The following TAF4B variants were observed in gnomAD, a reference collection of about 807,000 sequenced individuals.
TAF4B encodes the protein transcription initiation factor TFIID subunit 4B.
TAF4B carries 38 observed loss-of-function variants against 86.4 expected under a neutral mutation model. That is an observed-to-expected ratio of 0.44 (90% CI 0.34 to 0.58). The LOEUF is 0.58. Ranked by LOEUF, TAF4B falls within the 20% of genes least tolerant of loss-of-function variation. TAF4B has a pLI of 0.02. For synonymous variants in TAF4B, 388 were observed against 391.2 expected (o/e 0.99, Z 0.10); for missense variants, 988 against 1,027.6 (o/e 0.96, Z 0.53).
chr18:26,229,604 G>C (rs911679769), intron 1 of TAF4B, among the ~76,000 whole-genome samples: 2 of 150,616 alleles, frequency 1.3e-5, no homozygotes, highest in Non-Finnish European at 3.0e-5. Context: ...CCGGGTTCAA[G>C]CAATTCTCCC....
At chr18:26,350,166 A>G (rs565869198) in intron 13 of TAF4B, among the ~76,000 whole-genome samples, 17 of 152,362 alleles carry the variant, frequency 1.1e-4, no homozygotes, top group Admixed American at 3.3e-4. Context: ...TTTTATGAAT[A>G]AGACGTCAAA....
chr18:26,322,949 T>C (rs1011098355), intron 11 of TAF4B, among the ~76,000 whole-genome samples: 14 of 152,214 alleles, frequency 9.2e-5, no homozygotes, highest in Admixed American at 5.9e-4. Flanking sequence ...TTTTCATTTA[T>C]CTTTAAATAT....
chr18:26,232,841 G>C (rs868521689), intron 1 of TAF4B, among the ~76,000 whole-genome samples: 46 of 152,340 alleles, frequency 3.0e-4, no homozygotes, highest in Middle Eastern at 6.8e-3. Flanking sequence ...GAAATCCTTT[G>C]AGAGTGTGTG....
rs764231535 is a variant in TAF4B at position 26,265,325 on chromosome 18, C to T, written c.489+10C>T. The T allele has an allele frequency of 1.3e-6, 2 of 1,576,988 alleles. No individual in the cohort carries two copies. Among genetic ancestry groups the T allele is most frequent in the Admixed American group, 2.0e-5 (1 of 50,472 alleles). On this transcript the variant is annotated intron_variant, in intron 2 of 14. Coordinates refer to ENST00000269142, the MANE Select transcript of TAF4B (RefSeq NM_005640.3). ...AATCTGTACAGTGCCGGTAATATAC[C>T]TTAAATATTTTTCATCTTTCTTTGT... is the stretch of plus-strand genomic sequence containing the variant.
chr18:26,292,908 T>C (rs915051742), intron 8 of TAF4B, among the ~76,000 whole-genome samples: 2 of 151,520 alleles, frequency 1.3e-5, no homozygotes, highest in East Asian at 4.0e-4. Context: ...CTATTCATGG[T>C]ATTCTGTAAT....
At chr18:26,239,593 A>G (rs965690496) in intron 1 of TAF4B, among the ~76,000 whole-genome samples, 10 of 152,178 alleles carry the variant, frequency 6.6e-5, no homozygotes, top group African/African-American at 1.9e-4. Flanking sequence ...TTAGTTTAAT[A>G]AGATCCCATT....
At chr18:26,231,375 CAG>C (rs2055668279) in intron 1 of TAF4B, among the ~76,000 whole-genome samples, 2 of 100,246 alleles carry the variant, frequency 2.0e-5, no homozygotes, top group African/African-American at 7.8e-5. Flanking sequence ...TTTTTGGAGA[CAG>C]AGTCTCACTC....
chr18:26,263,406 G>T lies in TAF4B; in HGVS notation c.344-1764G>T, dbSNP rs190507138. On this transcript the variant is annotated intron_variant, in intron 1 of 14. Coordinates refer to ENST00000269142, the MANE Select transcript of TAF4B (RefSeq NM_005640.3). ...TTGATACACGTTTCTCTAACCCTTG[G>T]TATTGTCATTGGTCATCTTAATCTT... is the stretch of plus-strand genomic sequence containing the variant. 7.2e-5 allele frequency among the ~76,000 whole-genome samples: 11 copies of T among 152,132 alleles called. No individual in the cohort carries two copies. The East Asian group carries it at 2.1e-3, about 29-fold the overall frequency.
chr18:26,311,466 C>T (rs2056852899), intron 9 of TAF4B, among the ~76,000 whole-genome samples: 1 of 152,022 alleles, frequency 6.6e-6, no homozygotes, highest in Non-Finnish European at 1.5e-5. Flanking sequence ...AAAATCCTGT[C>T]TCTACTAAAA....
intron 13 of TAF4B, among the ~76,000 whole-genome samples, chr18:26,336,525 G>A (rs776348577): frequency 1.3e-5 from 2 of 152,056 alleles, no homozygotes; most frequent in South Asian, 2.1e-4. Flanking sequence ...GACAGGGAAC[G>A]ATGGAAAGGG....
chr18:26,332,868 A>G (rs1032641407), intron 12 of TAF4B, among the ~76,000 whole-genome samples: 1 of 151,916 alleles, frequency 6.6e-6, no homozygotes, highest in African/African-American at 2.4e-5. Context: ...TAAAGCCCCA[A>G]TTCCTTATCA....
intron 13 of TAF4B, among the ~76,000 whole-genome samples, chr18:26,348,003 C>T (rs1037933137): frequency 2.6e-5 from 4 of 152,146 alleles, no homozygotes; most frequent in African/African-American, 9.7e-5. Context: ...TAACATTGGA[C>T]AGATCATGTA....
intron 1 of TAF4B, among the ~76,000 whole-genome samples, chr18:26,242,486 G>A (rs918640427): frequency 2.6e-5 from 4 of 152,038 alleles, no homozygotes; most frequent in Non-Finnish European, 5.9e-5. Context: ...GTCTCTGCAC[G>A]TGAGATGGGT....
At chr18:26,345,533 C>T (rs1288570898) in intron 13 of TAF4B, among the ~76,000 whole-genome samples, 1 of 152,214 alleles carries the variant, frequency 6.6e-6, no homozygotes, top group African/African-American at 2.4e-5. Context: ...AGCAAAACTG[C>T]ACCACCTCCA....
intron 3 of TAF4B, among the ~76,000 whole-genome samples, chr18:26,272,871 T>A (rs2056338526): frequency 6.9e-6 from 1 of 144,888 alleles, no homozygotes; most frequent in Non-Finnish European, 1.5e-5. Flanking sequence ...GAGACTTCCT[T>A]TTGAATGTGC....
At chr18:26,304,821 T>A (rs758204062) in intron 9 of TAF4B, 1 of 985,264 alleles carries the variant, frequency 1.0e-6, no homozygotes, top group African/African-American at 1.7e-5. Context: ...GTGTAATTGC[T>A]CCTCAGTAAA....
At chr18:26,336,449 G>T (rs1043784949) in intron 13 of TAF4B, among the ~76,000 whole-genome samples, 1 of 151,928 alleles carries the variant, frequency 6.6e-6, no homozygotes, top group African/African-American at 2.4e-5. Context: ...CAATCAATGT[G>T]GTGTGTTTTC....
chr18:26,344,929 G>A (rs1016001725), intron 13 of TAF4B, among the ~76,000 whole-genome samples: 1 of 152,166 alleles, frequency 6.6e-6, no homozygotes, highest in African/African-American at 2.4e-5. Context: ...CTGGAGTCAA[G>A]AGAGACTTCC....
intron 7 of TAF4B, among the ~76,000 whole-genome samples, chr18:26,288,453 G>A (rs1394091125): frequency 2.6e-5 from 4 of 152,052 alleles, no homozygotes; most frequent in Admixed American, 6.5e-5. Flanking sequence ...TGCCCAACAT[G>A]GCAAAGCCCC....
Sources: allele counts gnomAD v4.1 joint callset (sites outside exome capture counted in the v4.1 genomes callset), GRCh38; gene constraint gnomAD v4.1.1; transcripts MANE v1.5; gene names NCBI Gene and HGNC (gene_info 2026-07-23, HGNC 2026-07-21).